KIF26B: variants seen among roughly 807,000 people sequenced by gnomAD.
KIF26B encodes kinesin family member 26B.
KIF26B carries 63 observed loss-of-function variants against 151.2 expected under a neutral mutation model. The ratio of observed to expected loss-of-function variants is 0.42; its 90% confidence interval spans 0.34 to 0.51. The LOEUF (loss-of-function observed/expected upper bound fraction) is 0.51. KIF26B is among the 20% of genes least tolerant of loss of function. KIF26B has a pLI of 0.07. For missense variants in KIF26B, 2,813 were observed against 2,913.6 expected (o/e 0.97, Z 0.79); for synonymous variants, 1,357 against 1,262.1 (o/e 1.08, Z -1.59).
intron 4 of KIF26B, among the ~76,000 whole-genome samples, chr1:245,442,758 C>CGGTCATCTCCCTCACTGTTCACCTAG (rs1659140717): frequency 1.1e-5 from 1 of 89,740 alleles, no homozygotes; most frequent in Non-Finnish European, 2.2e-5. Flanking sequence ...TGTTCACCTA[C>CGGTCATCTCCCTCACTGTTCACCTAG]AGCGGTCATC....
chr1:245,218,570 G>T lies in KIF26B; in HGVS notation c.465+61887G>T, dbSNP rs1012856703. On this transcript the variant is annotated intron_variant, in intron 2 of 14. Transcript: ENST00000407071. The surrounding 1 kb of genome is among the most constrained non-coding windows in gnomAD (Gnocchi z 4.1). Reference sequence around the variant, plus strand: ...AACTCTCTATGGAAGAACAAGAACCGAGGTGTCTCTTCTGCCCCATTTCTA... The same window carrying T: ...AACTCTCTATGGAAGAACAAGAACCTAGGTGTCTCTTCTGCCCCATTTCTA... 6.6e-6 allele frequency among the ~76,000 whole-genome samples: 1 copy of T among 152,238 alleles called. No individual in the cohort carries two copies. Among genetic ancestry groups the T allele is most frequent in the East Asian group, 1.9e-4 (1 of 5,176 alleles).
intron 2 of KIF26B, among the ~76,000 whole-genome samples, chr1:245,164,239 G>T (rs1216100549): frequency 6.6e-6 from 1 of 152,088 alleles, no homozygotes; most frequent in Non-Finnish European, 1.5e-5. Context: ...TGTTAATATT[G>T]TGAGTTATTA....
chr1:245,610,663 AT>A (rs1202894154), intron 8 of KIF26B, among the ~76,000 whole-genome samples: 1 of 152,226 alleles, frequency 6.6e-6, no homozygotes, highest in African/African-American at 2.4e-5. Flanking sequence ...TTAGAACTTC[AT>A]TGATGAAATT....
Position 245,688,716 on chromosome 1 carries a change from G to A in KIF26B, c.5733G>A (p.Ala1911=), listed in dbSNP as rs778365219. ...GGGACAGCGAGGCCACCGGCAGCGC[G>A]TCCTCGGCGCAGGACTCCACGAGCG... ...VMRDSEATGS[A]SSAQDSTSEN... is the part of the protein sequence containing the mutation. The change falls in exon 12 of 15, where the codon GCG becomes GCA. Residue 1911 remains alanine, a synonymous_variant. Coordinates refer to ENST00000407071, the MANE Select transcript of KIF26B (RefSeq NM_018012.4). 39 of 1,608,570 alleles carry A rather than the reference G, an allele frequency of 2.4e-5. No individual in the cohort carries two copies. The highest frequency in any genetic ancestry group is 3.3e-5 in the South Asian group (3 of 90,300).
intron 3 of KIF26B, among the ~76,000 whole-genome samples, chr1:245,378,499 AGTC>A (rs2103016296): frequency 6.6e-6 from 1 of 152,258 alleles, no homozygotes; most frequent in Non-Finnish European, 1.5e-5. Flanking sequence ...TGCTTTTCAC[AGTC>A]GTCTTGTGTG....
At chr1:245,662,582 T>TAC (rs1553301870) in intron 10 of KIF26B, among the ~76,000 whole-genome samples, 2 of 115,986 alleles carry the variant, frequency 1.7e-5, no homozygotes, top group East Asian at 2.8e-4. Context: ...TATATATATA[T>TAC]ACACCCAATG....
chr1:245,414,787 A>C (rs936799244), intron 3 of KIF26B, among the ~76,000 whole-genome samples: 1 of 152,234 alleles, frequency 6.6e-6, no homozygotes, highest in African/African-American at 2.4e-5. Flanking sequence ...TCTCTGGCTG[A>C]CTACAAGTTT....
intron 2 of KIF26B, among the ~76,000 whole-genome samples, chr1:245,195,896 C>G: frequency 6.6e-6 from 1 of 152,096 alleles, no homozygotes; most frequent in Non-Finnish European, 1.5e-5. Flanking sequence ...AAAAGAGTAG[C>G]CTTGAGAAAA....
At chr1:245,590,409 G>A (rs967035454) in intron 5 of KIF26B, among the ~76,000 whole-genome samples, 2 of 152,184 alleles carry the variant, frequency 1.3e-5, no homozygotes, top group Non-Finnish European at 2.9e-5. Context: ...ATTAAGGAGC[G>A]TCCACTGCTG....
intron 2 of KIF26B, among the ~76,000 whole-genome samples, chr1:245,196,015 C>G (rs1324033808): frequency 2.6e-5 from 4 of 152,102 alleles, no homozygotes; most frequent in Non-Finnish European, 4.4e-5. Flanking sequence ...TGAGGTTATC[C>G]TCGAGGTCCT....
chr1:245,455,767 T>C (rs1659504382), intron 4 of KIF26B, among the ~76,000 whole-genome samples: 2 of 152,292 alleles, frequency 1.3e-5, no homozygotes, highest in Admixed American at 6.5e-5. Flanking sequence ...GGAAGTTCTG[T>C]TCTGCCAGCA....
chr1:245,633,504 T>C (rs771248864), intron 9 of KIF26B, among the ~76,000 whole-genome samples: 4 of 152,140 alleles, frequency 2.6e-5, no homozygotes, highest in Non-Finnish European at 4.4e-5. Context: ...CTCCTTTCTC[T>C]TTCTCATTCG....
chr1:245,586,559 TCTTA>T (rs2043226775), intron 5 of KIF26B, among the ~76,000 whole-genome samples: 1 of 152,142 alleles, frequency 6.6e-6, no homozygotes, highest in Admixed American at 6.5e-5. Flanking sequence ...CAGCCAAATT[TCTTA>T]CTTCTCCTCC....
intron 2 of KIF26B, among the ~76,000 whole-genome samples, chr1:245,271,364 A>T (rs151121054): frequency 6.6e-6 from 1 of 152,238 alleles, no homozygotes; most frequent in Non-Finnish European, 1.5e-5. Flanking sequence ...ACATTTTAAC[A>T]ATATTAAGTC....
At position 245,563,658 on chromosome 1, in the gene KIF26B, C is replaced by T. The variant is rs1432828538; in HGVS notation, c.1350+22708C>T. 7.9e-5 allele frequency among the ~76,000 whole-genome samples: 12 copies of T among 152,252 alleles called. No individual in the cohort carries two copies. The highest frequency in any genetic ancestry group is 5.8e-4 in the East Asian group (3 of 5,186). ...CTTGAGACTGTGGGAACGATGTTTT[C>T]GTTAAGAATGGACTGCCTGTATAAT... On this transcript the variant is annotated intron_variant, in intron 5 of 14. Coordinates refer to ENST00000407071, the MANE Select transcript of KIF26B (RefSeq NM_018012.4). This position sits in a 1 kb window ranked among gnomAD's most constrained non-coding sequence, Gnocchi z 4.6.
rs1261276978 is a variant in KIF26B, at chr1:245,601,892, T to G, written c.1351-685T>G. Among the ~76,000 whole-genome samples the G allele has an allele frequency of 6.6e-6, 1 of 152,144 alleles. No individual in the cohort carries two copies. On this transcript the variant is annotated intron_variant, in intron 5 of 14. Transcript: ENST00000407071. The surrounding 1 kb of genome is among the most constrained non-coding windows in gnomAD (Gnocchi z 4.4). ...GGTTGGTGGTGGGTACCAGAGGTGC[T>G]CAGTGTTCAATCACGCAGAAAGTGG...
chr1:245,397,451 G>C lies in KIF26B; in HGVS notation c.1000-22128G>C, dbSNP rs548117483. ...GGCTGGTATCGAACTCCCGACCTCA[G>C]GTGATCCACCCTCCTCCGCCTCCCA... On this transcript the variant is annotated intron_variant, in intron 3 of 14. Coordinates refer to ENST00000407071, the MANE Select transcript of KIF26B (RefSeq NM_018012.4). 4.6e-5 allele frequency among the ~76,000 whole-genome samples: 7 copies of C among 151,986 alleles called. No individual in the cohort carries two copies. In the South Asian group the frequency reaches 1.5e-3, roughly 32 times the overall value.
chr1:245,180,967 G>A (rs1668895994), intron 2 of KIF26B, among the ~76,000 whole-genome samples: 1 of 152,086 alleles, frequency 6.6e-6, no homozygotes, highest in South Asian at 2.1e-4. Flanking sequence ...GCAAGATAGG[G>A]TGGGGGACAT....
chr1:245,536,950 A>G (rs944064254), intron 4 of KIF26B, among the ~76,000 whole-genome samples: 6 of 152,178 alleles, frequency 3.9e-5, no homozygotes, highest in Admixed American at 3.3e-4. Context: ...CTACAGCATC[A>G]CTTCCATTAC....
Sources: gnomAD v4.1 joint callset for allele counts (sites outside exome capture counted in the v4.1 genomes callset) on GRCh38, gnomAD v4.1.1 for gene constraint, Gnocchi (gnomAD v3.1) non-coding constraint, MANE v1.5 for transcripts, NCBI Gene and HGNC (gene_info 2026-07-23, HGNC 2026-07-21) for gene names.